Variants in ADCY9 observed in about 807,000 individuals in gnomAD.
ADCY9 encodes the protein adenylate cyclase 9, also known as adenylate cyclase type 9.
Under a neutral mutation model 101.5 loss-of-function variants are expected in ADCY9, and 50 were observed. That is an observed-to-expected ratio of 0.49 (90% CI 0.39 to 0.62). The LOEUF (loss-of-function observed/expected upper bound fraction) is 0.62, where lower values mean the gene tolerates loss of function less well. Among genes scored for constraint, ADCY9 ranks in the 20% least tolerant of loss-of-function variants. The pLI, the probability that ADCY9 is intolerant of heterozygous loss-of-function variation, is 0.00. For synonymous variants in ADCY9, 905 were observed against 769.3 expected (o/e 1.18, Z -2.92); for missense variants, 1,662 against 1,800.4 (o/e 0.92, Z 1.39).
intron 3 of ADCY9, 124 bp from the exon 4 acceptor site, chr16:3,993,634 C>A: frequency 8.3e-7 from 1 of 1,207,084 alleles, no homozygotes; most frequent in Non-Finnish European, 1.2e-6. Context: ...GGAAGGCACA[C>A]AGAACCGCTC....
chr16:4,014,562 C>T (rs2056425343), intron 2 of ADCY9, among the ~76,000 whole-genome samples: 1 of 151,772 alleles, frequency 6.6e-6, no homozygotes, highest in Non-Finnish European at 1.5e-5. Context: ...ATACTCCTGC[C>T]TCAGCCTCCT....
intron 2 of ADCY9, among the ~76,000 whole-genome samples, chr16:4,083,005 T>C (rs1173696007): frequency 6.6e-6 from 1 of 152,212 alleles, no homozygotes; most frequent in Non-Finnish European, 1.5e-5. Context: ...GCAGCCACTT[T>C]GTGCCACAAG....
chr16:4,048,203 T>C (rs1339680305), intron 2 of ADCY9, among the ~76,000 whole-genome samples: 1 of 152,150 alleles, frequency 6.6e-6, no homozygotes, highest in Non-Finnish European at 1.5e-5. Context: ...AAAAGAAATG[T>C]AATTAGTCAT....
At chr16:4,050,838 T>C (rs1412165074) in intron 2 of ADCY9, among the ~76,000 whole-genome samples, 1 of 151,746 alleles carries the variant, frequency 6.6e-6, no homozygotes, top group Non-Finnish European at 1.5e-5. Context: ...CACTTTCTAC[T>C]AAAAGGAACC....
intron 2 of ADCY9, among the ~76,000 whole-genome samples, chr16:4,020,593 G>A (rs181293700): frequency 8.4e-4 from 128 of 152,060 alleles, no homozygotes; most frequent in African/African-American, 2.5e-3. Context: ...AGGCTGAGGC[G>A]GGTGGATCAC....
chr16:3,998,759 AAAAGAAAAG>A (rs2056308733), intron 3 of ADCY9, among the ~76,000 whole-genome samples: 1 of 6,230 alleles, frequency 1.6e-4, no homozygotes, highest in African/African-American at 7.0e-4. Flanking sequence ...GAAAGAAAAG[AAAAGAAAAG>A]AAAAGAAAAG....
rs8052990 is a variant in ADCY9, at chr16:4,018,080, G to C, written c.1694-10522C>G. Among the ~76,000 whole-genome samples the C allele has an allele frequency of 3.7e-3, 563 of 152,312 alleles. 9 individuals carry two copies. Among genetic ancestry groups the C allele is most frequent in the African/African-American group, 0.012 (510 of 41,582 alleles). ...CAAAGGCATTTTCTTCTGACCCACA[G>C]GTGGTTATACCTGCACTGACACCTC... is the stretch of plus-strand genomic sequence containing the variant. On this transcript the variant is annotated intron_variant, in intron 2 of 10. Coordinates refer to ENST00000294016, the MANE Select transcript of ADCY9 (RefSeq NM_001116.4).
chr16:4,064,051 CA>C (rs2056787180), intron 2 of ADCY9, among the ~76,000 whole-genome samples: 2 of 152,042 alleles, frequency 1.3e-5, no homozygotes, highest in South Asian at 4.1e-4. Flanking sequence ...CAGGAGTCTA[CA>C]AAAAACTACT....
At chr16:3,961,589 C>G (rs1210253542), downstream of ADCY9, among the ~76,000 whole-genome samples, 1 of 152,162 alleles carries the variant, frequency 6.6e-6, no homozygotes, top group Non-Finnish European at 1.5e-5. Flanking sequence ...CAAACAGCAA[C>G]CTCATTGGCC....
intron 3 of ADCY9, among the ~76,000 whole-genome samples, chr16:3,997,988 G>T (rs2056301195): frequency 6.6e-6 from 1 of 152,076 alleles, no homozygotes; most frequent in African/African-American, 2.4e-5. Context: ...CAGCTACTGG[G>T]GAGACTGAGG....
At chr16:4,026,557 A>G (rs141258717) in intron 2 of ADCY9, among the ~76,000 whole-genome samples, 1 of 152,186 alleles carries the variant, frequency 6.6e-6, no homozygotes, top group South Asian at 2.1e-4. Flanking sequence ...TTGTAGCGGC[A>G]CTATTCATAA....
rs141254290 is a variant in ADCY9 at position 4,000,968 on chromosome 16, T to TACACACACACACACACACAC, written c.1884+6380_1884+6399dup. On this transcript the variant is annotated intron_variant, in intron 3 of 10. Coordinates refer to ENST00000294016, the MANE Select transcript of ADCY9 (RefSeq NM_001116.4). ...GCACATACATTTCCATCCCTCTCTCTACACACACACACACACACACACACA... is the reference window on the plus strand; with the variant it reads ...GCACATACATTTCCATCCCTCTCTCTACACACACACACACACACACACACACACACACACACACACACACA... Among the ~76,000 whole-genome samples the TACACACACACACACACACAC allele has an allele frequency of 5.2e-3, 655 of 125,262 alleles. 4 individuals carry two copies. Among genetic ancestry groups the TACACACACACACACACACAC allele is most frequent in the Middle Eastern group, 0.021 (5 of 242 alleles). 82.2% of individuals were successfully genotyped at this position (125,262 alleles called of 152,430 possible).
intron 2 of ADCY9, among the ~76,000 whole-genome samples, chr16:4,041,672 A>C (rs2056627569): frequency 6.6e-6 from 1 of 152,036 alleles, no homozygotes; most frequent in African/African-American, 2.4e-5. Context: ...AATACTTAAA[A>C]AAGAAAATGG....
chr16:4,115,597 C>A lies in ADCY9; in HGVS notation c.-44+93G>T. On this transcript the variant is annotated intron_variant, in intron 1 of 10. Transcript: ENST00000294016. The surrounding 1 kb of genome is among the most constrained non-coding windows in gnomAD (Gnocchi z 6.2). ...GGCTCCAGCACGCGACCTGGACAGG[C>A]ACCATCTGTTCCTGTGGTTCCCGGC... 1.1e-6 allele frequency: 1 copy of A among 885,466 alleles called. No homozygotes were observed. Among genetic ancestry groups the A allele is most frequent in the Non-Finnish European group, 1.7e-6 (1 of 599,552 alleles). The allele number at this position is 885,466 out of a possible 1,614,324, so 54.9% of individuals were successfully genotyped here.
chr16:4,097,553 A>ATATATTTT (rs1382458827), intron 2 of ADCY9, among the ~76,000 whole-genome samples: 629 of 53,352 alleles, frequency 0.012, 29 homozygotes, highest in East Asian at 0.044. Context: ...ATATATATAT[A>ATATATTTT]TTTTTTTTTT....
rs563702378 is a variant in ADCY9, at chr16:3,980,046, C to G, written c.2520-771G>C. Among the ~76,000 whole-genome samples, 583 of 152,366 alleles carry G rather than the reference C, an allele frequency of 3.8e-3. 1 individual carries two copies. Among genetic ancestry groups the G allele is most frequent in the African/African-American group, 0.013 (551 of 41,592 alleles). On this transcript the variant is annotated intron_variant, in intron 7 of 10. Coordinates refer to ENST00000294016, the MANE Select transcript of ADCY9 (RefSeq NM_001116.4). ...ACCTGGCTCGTGGCGCTTAGACCAC[C>G]AAACCCGCACACGCGTGCCGTCTGC...
intron 2 of ADCY9, among the ~76,000 whole-genome samples, chr16:4,025,467 C>T (rs1459621425): frequency 2.0e-5 from 3 of 152,116 alleles, no homozygotes; most frequent in Admixed American, 1.3e-4. Flanking sequence ...CCACTGGCCA[C>T]GCAAAGACTG....
intron 2 of ADCY9, among the ~76,000 whole-genome samples, chr16:4,034,689 G>C (rs1286264583): frequency 6.6e-6 from 1 of 152,158 alleles, no homozygotes; most frequent in Non-Finnish European, 1.5e-5. Context: ...AAAGCGCTGG[G>C]ATTACAGGCA....
chr16:4,036,357 T>C (rs1034698084), intron 2 of ADCY9, among the ~76,000 whole-genome samples: 1 of 151,782 alleles, frequency 6.6e-6, no homozygotes, highest in Non-Finnish European at 1.5e-5. Context: ...ACTTGGAGGG[T>C]ATGTGAGAAA....
Sources: allele counts gnomAD v4.1 joint callset (sites outside exome capture counted in the v4.1 genomes callset), GRCh38; gene constraint gnomAD v4.1.1; non-coding constraint Gnocchi (gnomAD v3.1); transcripts MANE v1.5; gene names NCBI Gene and HGNC (gene_info 2026-07-23, HGNC 2026-07-21).